The following SBF2 variants were observed in gnomAD, a reference collection of about 807,000 sequenced individuals.
SBF2 encodes SET binding factor 2.
Under a neutral mutation model 225.2 loss-of-function variants are expected in SBF2, and 112 were observed. That is an observed-to-expected ratio of 0.50 (90% confidence interval 0.43 to 0.58). The LOEUF (loss-of-function observed/expected upper bound fraction) is 0.58, where lower values mean the gene tolerates loss of function less well. Ranked by LOEUF, SBF2 falls within the 20% of genes least tolerant of loss-of-function variation. The pLI is 0.00. For missense variants in SBF2, 1,996 were observed against 2,206.2 expected (o/e 0.90, Z 1.91); for synonymous variants, 763 against 773.3 (o/e 0.99, Z 0.22).
At chr11:9,831,330 G>A (rs887507716) in intron 27 of SBF2, among the ~76,000 whole-genome samples, 3 of 152,182 alleles carry the variant, frequency 2.0e-5, no homozygotes, top group Non-Finnish European at 2.9e-5. Flanking sequence ...CCACCAGGTG[G>A]CTTGGGAGCA....
At chr11:10,251,005 C>T (rs7941511) in intron 1 of SBF2, among the ~76,000 whole-genome samples, 29,967 of 152,078 alleles carry the variant, frequency 0.2, 3,137 homozygotes, top group Middle Eastern at 0.26. Context: ...CTCTTATCTT[C>T]GAATATTTTT....
rs189556209 is a variant in SBF2, at chr11:9,851,537, C to A, written c.2610+1139G>T. ...TGACTCAGTAACCATATAATACATT[C>A]CTCTGAAGAGTTTAGGGCTAGGAAA... is the stretch of plus-strand genomic sequence containing the variant. On this transcript the variant is annotated intron_variant, in intron 21 of 39. Transcript: ENST00000256190. Among the ~76,000 whole-genome samples, 218 of 152,160 alleles carry A rather than the reference C, an allele frequency of 1.4e-3. 1 individual carries two copies. The highest frequency in any genetic ancestry group is 5.1e-3 in the African/African-American group (213 of 41,490).
intron 26 of SBF2, among the ~76,000 whole-genome samples, chr11:9,836,477 C>A (rs1054759346): frequency 2.0e-5 from 3 of 152,092 alleles, no homozygotes; most frequent in African/African-American, 7.2e-5. Context: ...GTCCGTTTGT[C>A]CATTCTTGTG....
At chr11:10,038,335 G>A (rs1025562234) in intron 3 of SBF2, among the ~76,000 whole-genome samples, 3 of 151,930 alleles carry the variant, frequency 2.0e-5, no homozygotes, top group Admixed American at 1.3e-4. Context: ...AAATAAAATA[G>A]AATGAAATAA....
At chr11:10,272,422 G>A (rs1023181714) in intron 1 of SBF2, among the ~76,000 whole-genome samples, 1 of 152,128 alleles carries the variant, frequency 6.6e-6, no homozygotes, top group African/African-American at 2.4e-5. Flanking sequence ...AACCTCATGA[G>A]CCACAAGTAC....
At chr11:10,026,632 A>G (rs746460767) in intron 6 of SBF2, among the ~76,000 whole-genome samples, 17 of 152,062 alleles carry the variant, frequency 1.1e-4, no homozygotes, top group Non-Finnish European at 2.1e-4. Context: ...CAGCTACTCA[A>G]GAGGCTAAGG....
Position 9,896,157 on chromosome 11 carries a change from ACT to A in SBF2, c.1861-148_1861-147del, listed in dbSNP as rs1861238490. The A allele has an allele frequency of 7.3e-6, 5 of 686,668 alleles. 1 individual carries two copies. In the South Asian group the frequency reaches 7.6e-5, roughly 10 times the overall value. The allele number at this position is 686,668 out of a possible 1,614,324, so 42.5% of individuals were successfully genotyped here. ...CAGAGGACCTGACGGAGGGGTTTGT[ACT>A]CTTATTCCAAATTGCCATTAAGACA... On this transcript the variant is annotated intron_variant, in intron 16 of 39. Transcript: ENST00000256190.
At chr11:10,205,156 T>C (rs1263481640) in intron 1 of SBF2, among the ~76,000 whole-genome samples, 1 of 151,810 alleles carries the variant, frequency 6.6e-6, no homozygotes, top group East Asian at 1.9e-4. Flanking sequence ...TGCACATGTA[T>C]CCCAGAACTT....
chr11:10,056,188 T>G (rs1186621702), intron 2 of SBF2, among the ~76,000 whole-genome samples: 1 of 152,226 alleles, frequency 6.6e-6, no homozygotes, highest in Non-Finnish European at 1.5e-5. Flanking sequence ...TTTTCCAGCT[T>G]TGCTCTTTTT....
intron 16 of SBF2, among the ~76,000 whole-genome samples, chr11:9,950,335 T>G (rs1865787009): frequency 6.6e-6 from 1 of 152,174 alleles, no homozygotes; most frequent in Non-Finnish European, 1.5e-5. Context: ...ATTTCACTGT[T>G]GAAAAGTTTC....
At chr11:10,166,037 C>T (rs1955935835) in intron 2 of SBF2, among the ~76,000 whole-genome samples, 2 of 152,104 alleles carry the variant, frequency 1.3e-5, no homozygotes, top group Admixed American at 1.3e-4. Flanking sequence ...CTTTAAAAAC[C>T]ATACAATACC....
intron 25 of SBF2, 102 bp downstream of exon 25, chr11:9,842,523 C>A: frequency 8.2e-7 from 1 of 1,214,498 alleles, no homozygotes; most frequent in Middle Eastern, 1.9e-4. Context: ...CTCATGAGAT[C>A]TAGGTTTTTG....
At chr11:9,999,658 T>A (rs1947865669) in intron 8 of SBF2, among the ~76,000 whole-genome samples, 1 of 152,168 alleles carries the variant, frequency 6.6e-6, no homozygotes, top group South Asian at 2.1e-4. Context: ...AATAAAATTA[T>A]GTACAAACCA....
intron 2 of SBF2, among the ~76,000 whole-genome samples, chr11:10,121,987 CTTATT>C (rs1474191524): frequency 1.3e-5 from 2 of 152,172 alleles, no homozygotes; most frequent in East Asian, 3.9e-4. Context: ...TCAAGTAACC[CTTATT>C]TTACTTAGTA....
At chr11:10,209,854 A>T (rs1042271718) in intron 1 of SBF2, among the ~76,000 whole-genome samples, 2 of 152,132 alleles carry the variant, frequency 1.3e-5, no homozygotes, top group African/African-American at 4.8e-5. Flanking sequence ...TGTCTCGAAG[A>T]CAACACTCAG....
Position 9,839,615 on chromosome 11 carries a change from G to A in SBF2, c.3338C>T (p.Ala1113Val), listed in dbSNP as rs375814897. The change falls in exon 26 of 40, where the codon GCT becomes GTT. Residue 1113 changes from alanine to valine, a missense_variant. Transcript: ENST00000256190. ...TAAACGCTGATAGTCTCTGAAACAA[G>A]CTTTTTCCACCAACTGTTCCATTGT... is the stretch of plus-strand genomic sequence containing the variant. ...KSTMEQLVEK[A>V]CFRDYQRLGL... is the part of the protein sequence containing the mutation. 6.2e-7 allele frequency: 1 copy of A among 1,614,158 alleles called. No homozygotes were observed. The highest frequency in any genetic ancestry group is 1.3e-5 in the African/African-American group (1 of 75,046).
At chr11:9,954,535 A>G (rs1228290966) in intron 16 of SBF2, among the ~76,000 whole-genome samples, 2 of 152,220 alleles carry the variant, frequency 1.3e-5, no homozygotes, top group Admixed American at 6.5e-5. Context: ...ACAACGTTCA[A>G]CAACAGCATG....
At chr11:9,927,540 C>T (rs1430313418) in intron 16 of SBF2, among the ~76,000 whole-genome samples, 1 of 152,044 alleles carries the variant, frequency 6.6e-6, no homozygotes, top group Non-Finnish European at 1.5e-5. Context: ...GGCAAGATAG[C>T]AAGTCCTCTG....
chr11:10,183,403 A>G (rs1203872772), intron 2 of SBF2, among the ~76,000 whole-genome samples: 1 of 152,146 alleles, frequency 6.6e-6, no homozygotes, highest in African/African-American at 2.4e-5. Flanking sequence ...CCTTTTCTGC[A>G]TGGTTATATA....
Sources: allele counts gnomAD v4.1 joint callset (sites outside exome capture counted in the v4.1 genomes callset), GRCh38; gene constraint gnomAD v4.1.1; transcripts MANE v1.5; gene names NCBI Gene and HGNC (gene_info 2026-07-23, HGNC 2026-07-21).